TRIM68: variants seen among roughly 807,000 people sequenced by gnomAD.
The protein encoded by TRIM68 is E3 ubiquitin-protein ligase TRIM68.
In TRIM68, 36 loss-of-function variants were observed where a neutral mutation model predicts 41.9. That is an observed-to-expected ratio of 0.86 (90% confidence interval 0.66 to 1.14). The LOEUF (loss-of-function observed/expected upper bound fraction) is 1.14. Among genes scored for constraint, TRIM68 ranks in the 50% most tolerant of loss-of-function variants. TRIM68 has a pLI of 0.00. For synonymous variants in TRIM68, 225 were observed against 224.6 expected, an observed-to-expected ratio of 1.00 and a Z score of -0.02; for missense variants, 632 against 605.1, an observed-to-expected ratio of 1.04 and a Z score of -0.47.
chr11:4,602,398 G>A lies in TRIM68; in HGVS notation c.537C>T (p.Thr179=), dbSNP rs1296712114. 7 of 1,613,278 alleles carry A rather than the reference G, an allele frequency of 4.3e-6. No homozygotes were observed. The highest frequency in any genetic ancestry group is 1.3e-5 in the African/African-American group (1 of 74,870). Reference sequence around the variant, plus strand: ...ACTCCCATACAATACTCTGTTTTCGGGTTTCCACCTGTATCTGTGGAGCCA... The same window carrying A: ...ACTCCCATACAATACTCTGTTTTCGAGTTTCCACCTGTATCTGTGGAGCCA... The part of the protein sequence containing the change: ...RTATWKIQVE[T]RKQSIVWEFE... The change falls in exon 4 of 7, where the codon ACC becomes ACT. Residue 179 remains threonine (T), a synonymous_variant. Coordinates refer to ENST00000300747, the MANE Select transcript of TRIM68 (RefSeq NM_018073.8).
rs566499238 is a variant in TRIM68, at chr11:4,603,061, C to G, written c.522+184G>C. 1.4e-4 allele frequency among the ~76,000 whole-genome samples: 22 copies of G among 152,272 alleles called. No homozygotes were observed. In the South Asian group the frequency reaches 4.6e-3, roughly 32 times the overall value. The stretch of plus-strand genomic sequence containing the variant: ...TTATCCCTACATCCCCATGGAGAAA[C>G]TGGAATTAAGAGGTGACGTGGCCTA... On this transcript the variant is annotated intron_variant, in intron 3 of 6. Coordinates refer to ENST00000300747, the MANE Select transcript of TRIM68 (RefSeq NM_018073.8).
intron 4 of TRIM68, 53 bp downstream of exon 4, chr11:4,602,099 C>T (rs1299021057): frequency 1.9e-6 from 3 of 1,610,320 alleles, no homozygotes; most frequent in Admixed American, 1.7e-5. Flanking sequence ...CTCCTGGAGT[C>T]TCAGTCTATC....
intron 1 of TRIM68, among the ~76,000 whole-genome samples, chr11:4,605,763 G>A (rs956473773): frequency 6.6e-6 from 1 of 152,160 alleles, no homozygotes; most frequent in Admixed American, 6.5e-5. Flanking sequence ...AGGGGATAAT[G>A]GGGATGCCTA....
rs1310842664 is a variant in TRIM68, at chr11:4,603,243, G to A, written c.522+2C>T. 1 of 1,614,124 alleles carries A rather than the reference G, an allele frequency of 6.2e-7. No homozygotes were observed. Among genetic ancestry groups the A allele is most frequent in the Non-Finnish European group, 8.5e-7 (1 of 1,179,946 alleles). On this transcript the variant is annotated splice_donor_variant, in intron 3 of 6. Coordinates refer to ENST00000300747, the MANE Select transcript of TRIM68 (RefSeq NM_018073.8). LOFTEE classifies it low-confidence loss of function (GC_TO_GT_DONOR). Reference sequence around the variant, plus strand: ...AACTCCTTTCCCCACGAGGCAACCTGCCTTCCAGGTGGCAGTTCGTTTCCT... The same window carrying A: ...AACTCCTTTCCCCACGAGGCAACCTACCTTCCAGGTGGCAGTTCGTTTCCT...
Position 4,600,159 on chromosome 11 carries a change from A to T in TRIM68, c.*117T>A, listed in dbSNP as rs552531526. On this transcript the variant is annotated 3_prime_UTR_variant, in exon 7 of 7. Transcript: ENST00000300747. ...AAAGACCAAAGGATCAGACAGAGGA[A>T]TCCTTGGATACTGGGCTCAGCTCAG... 322 of 1,051,382 alleles carry T rather than the reference A, an allele frequency of 3.1e-4. 5 individuals carry two copies. The South Asian group carries it at 5.6e-3, about 18-fold the overall frequency. The allele number at this position is 1,051,382 out of a possible 1,614,324, so 65.1% of individuals were successfully genotyped here. A position where few individuals can be genotyped will look rare whatever the true frequency, so the allele number is the denominator to read the frequency against.
At chr11:4,601,612 G>A in intron 5 of TRIM68, 52 bp downstream of exon 5, 2 of 1,604,894 alleles carry the variant, frequency 1.2e-6, no homozygotes, top group Non-Finnish European at 1.7e-6. Flanking sequence ...CTCTAGTTAG[G>A]CCTCACTATC....
intron 3 of TRIM68, 99 bp from the exon 4 acceptor site, chr11:4,602,511 C>T (rs1846509520): frequency 4.1e-6 from 6 of 1,473,912 alleles, no homozygotes; most frequent in Non-Finnish European, 1.8e-6. Context: ...TGGTACCAAC[C>T]ACGTGACAGG....
In TRIM68 at chr11:4,605,686, T is replaced by C. The variant is rs539049754; in HGVS notation, c.-57-125A>G. 83 of 640,934 alleles carry C rather than the reference T, an allele frequency of 1.3e-4. 1 individual carries two copies. Among genetic ancestry groups the C allele is most frequent in the Middle Eastern group, 4.3e-4 (1 of 2,332 alleles). 39.7% of individuals were successfully genotyped at this position (640,934 alleles called of 1,614,324 possible). A position where few individuals can be genotyped will look rare whatever the true frequency, so the allele number is the denominator to read the frequency against. ...CTTTTGACCCTTTACTGACCTTCTT[T>C]AATAAGCATTGGCCTTTCCAACTGA... On this transcript the variant is annotated intron_variant, in intron 1 of 6. Transcript: ENST00000300747.
chr11:4,602,347 C>T lies in TRIM68; in HGVS notation c.588G>A (p.Glu196=). 1.2e-6 allele frequency: 2 copies of T among 1,614,166 alleles called. No individual in the cohort carries two copies. Among genetic ancestry groups the T allele is most frequent in the Admixed American group, 1.7e-5 (1 of 60,026 alleles). ...GCTGCCGATGTGGTGGCTGCTTTTT[C>T]TCTAGTAATCGCTGGTATTTTTCAA... The part of the protein sequence containing the change: ...WEFEKYQRLL[E]KKQPPHRQLG... Residue 196 remains glutamate, a synonymous_variant, in exon 4 of 7, where the codon GAG becomes GAA. Transcript: ENST00000300747.
At position 4,605,319 on chromosome 11, in the gene TRIM68, A is replaced by G; in HGVS notation, c.186T>C (p.Ala62=). The change falls in exon 2 of 7, where the codon GCT becomes GCC. Residue 62 remains alanine (A), a synonymous_variant. Coordinates refer to ENST00000300747, the MANE Select transcript of TRIM68 (RefSeq NM_018073.8). The part of the protein sequence containing the change: ...NWGYTCPLCR[A]PVQPRNLRPN... ...GCCGCAGGTTCCTTGGCTGGACAGG[A>G]GCTCGACAGAGGGGACAGGTGTAAC... 1 of 1,614,242 alleles carries G rather than the reference A, an allele frequency of 6.2e-7. No individual in the cohort carries two copies. The highest frequency in any genetic ancestry group is 8.5e-7 in the Non-Finnish European group (1 of 1,180,050).
rs775165603 is a variant in TRIM68, at chr11:4,608,126, C to CGGAA, written c.-158_-157insTTCC. On this transcript the variant is annotated 5_prime_UTR_variant, in exon 1 of 7. Coordinates refer to ENST00000300747, the MANE Select transcript of TRIM68 (RefSeq NM_018073.8). Reference sequence around the variant, plus strand: ...GGCCCAGCGTCAGAAGCTGCCGTTCCCGGCAGCTCAGCACTTAGGGCCAGA... The same window carrying CGGAA: ...GGCCCAGCGTCAGAAGCTGCCGTTCCGGAACGGCAGCTCAGCACTTAGGGCCAGA... The CGGAA allele has an allele frequency of 4.6e-4, 70 of 152,484 alleles. No homozygotes were observed. Among genetic ancestry groups the CGGAA allele is most frequent in the Non-Finnish European group, 4.7e-4 (32 of 68,118 alleles). The allele number at this position is 152,484 out of a possible 1,614,324, so 9.4% of individuals were successfully genotyped here.
At chr11:4,600,890 C>T (rs1220080344) in intron 6 of TRIM68, 64 bp from the exon 7 acceptor site, 4 of 1,576,444 alleles carry the variant, frequency 2.5e-6, no homozygotes, top group African/African-American at 1.4e-5. Flanking sequence ...TGAGAGCCCT[C>T]TGATAAATTC....
intron 3 of TRIM68, 68 bp downstream of exon 3, chr11:4,603,177 A>C: frequency 7.1e-7 from 1 of 1,411,642 alleles, no homozygotes; most frequent in Non-Finnish European, 1.0e-6. Flanking sequence ...TGAGAATGCT[A>C]CCCTAGGCCA....
At chr11:4,607,706 G>A (rs1196750004) in intron 1 of TRIM68, among the ~76,000 whole-genome samples, 1 of 152,194 alleles carries the variant, frequency 6.6e-6, no homozygotes, top group Non-Finnish European at 1.5e-5. Context: ...AATAAGACCT[G>A]CTTTAATGTT....
chr11:4,605,247 C>A lies in TRIM68; in HGVS notation c.258G>T (p.Arg86Ser). 6.2e-7 allele frequency: 1 copy of A among 1,614,250 alleles called. No individual in the cohort carries two copies. Among genetic ancestry groups the A allele is most frequent in the Non-Finnish European group, 8.5e-7 (1 of 1,180,048 alleles). ...CCTTCAGCCCCATTCCTGGATGTAG[C>A]CTTAGCAGACGGACTTTTTCTACAA... is the stretch of plus-strand genomic sequence containing the variant. ...ANVVEKVRLLRLHPGMGLKGD... is the reference protein window; with the variant it reads ...ANVVEKVRLLSLHPGMGLKGD... The change falls in exon 2 of 7, where the codon AGG (arginine) becomes AGT (serine). Residue 86 changes from arginine (R) to serine (S), a missense_variant. Coordinates refer to ENST00000300747, the MANE Select transcript of TRIM68 (RefSeq NM_018073.8).
rs772773808 is a variant in TRIM68 at position 4,601,091 on chromosome 11, G to C, written c.843C>G (p.Ile281Met). 23 of 1,614,182 alleles carry C rather than the reference G, an allele frequency of 1.4e-5. No individual in the cohort carries two copies. The highest frequency in any genetic ancestry group is 1.9e-5 in the Non-Finnish European group (23 of 1,180,020). The change falls in exon 6 of 7, where the codon ATC becomes ATG. Residue 281 changes from isoleucine to methionine, a missense_variant. Coordinates refer to ENST00000300747, the MANE Select transcript of TRIM68 (RefSeq NM_018073.8). ...GGCAATCTGTCTTCAACTCCAGGGA[G>C]ATTGGTTCTGGCTGCTGCAAGCTCC... is the stretch of plus-strand genomic sequence containing the variant. Reference protein sequence around the residue: ...KSWSLQQPEPISLELKTDCRV... With the variant: ...KSWSLQQPEPMSLELKTDCRV...
intron 4 of TRIM68, 39 bp downstream of exon 4, chr11:4,602,113 A>G (rs1846499068): frequency 6.2e-7 from 1 of 1,613,240 alleles, no homozygotes; most frequent in South Asian, 1.1e-5. Flanking sequence ...GTCTATCTTC[A>G]GCTGTCACTC....
chr11:4,602,854 A>G (rs1027039346), intron 3 of TRIM68, among the ~76,000 whole-genome samples: 10 of 152,224 alleles, frequency 6.6e-5, no homozygotes, highest in South Asian at 2.1e-4. Flanking sequence ...ACTGGCCTCA[A>G]ATTTATTTCA....
chr11:4,601,257 G>A (rs989476581), intron 5 of TRIM68, 130 bp from the exon 6 acceptor site: 2 of 736,926 alleles, frequency 2.7e-6, no homozygotes, highest in African/African-American at 1.7e-5. Flanking sequence ...TGATGGTTAC[G>A]GTTATTTGGC....
Sources: allele counts gnomAD v4.1 joint callset (sites outside exome capture counted in the v4.1 genomes callset), GRCh38; gene constraint gnomAD v4.1.1; transcripts MANE v1.5; gene names NCBI Gene and HGNC (gene_info 2026-07-23, HGNC 2026-07-21).